COL20A1: variants seen among roughly 807,000 people sequenced by gnomAD.
COL20A1 encodes the protein collagen alpha-1(XX) chain.
COL20A1 carries 164 observed loss-of-function variants against 152.9 expected under a neutral mutation model. That is an observed-to-expected ratio of 1.07 (90% CI 0.94 to 1.22). COL20A1 has a LOEUF of 1.22. Ranked by LOEUF, COL20A1 falls within the 50% of genes most tolerant of loss-of-function variation. The probability of loss-of-function intolerance (pLI) is 0.00; values close to 1 mark genes in which losing one functional copy is unlikely to be tolerated. For missense variants in COL20A1, 1,873 were observed against 1,744.8 expected, an observed-to-expected ratio of 1.07 and a Z score of -1.31; for synonymous variants, 864 against 756.0, an observed-to-expected ratio of 1.14 and a Z score of -2.34.
Position 63,309,928 on chromosome 20 carries a change from G to GT in COL20A1, c.1263+14dup, listed in dbSNP as rs771464744. On this transcript the variant is annotated intron_variant, in intron 10 of 35. Transcript: ENST00000358894. Reference sequence around the variant, plus strand: ...CACCCCCAGGGAGGTGAGGGGGCCGGTATACAGGGCTCCCCGAGCCGGTCC... The same window carrying GT: ...CACCCCCAGGGAGGTGAGGGGGCCGGTTATACAGGGCTCCCCGAGCCGGTCC... The GT allele has an allele frequency of 1.3e-6, 2 of 1,582,912 alleles. No individual in the cohort carries two copies. Among genetic ancestry groups the GT allele is most frequent in the Non-Finnish European group, 1.7e-6 (2 of 1,165,550 alleles).
At chr20:63,318,726 A>G (rs1372024921) in intron 21 of COL20A1, among the ~76,000 whole-genome samples, 8 of 152,096 alleles carry the variant, frequency 5.3e-5, no homozygotes, top group African/African-American at 1.5e-4. Context: ...GGCGCCTCCA[A>G]GTACTTCTGT....
intron 31 of COL20A1, 58 bp downstream of exon 31, chr20:63,326,881 G>A: frequency 8.0e-7 from 1 of 1,253,230 alleles, no homozygotes; most frequent in Non-Finnish European, 1.1e-6. Flanking sequence ...AAGGGTGCAA[G>A]CCCCACATGC....
intron 20 of COL20A1, among the ~76,000 whole-genome samples, chr20:63,316,173 G>C (rs1366429237): frequency 1.3e-5 from 2 of 151,988 alleles, no homozygotes; most frequent in South Asian, 4.2e-4. Flanking sequence ...GGTGCAGTGG[G>C]CTTGCTGGGG....
chr20:63,305,830 T>A lies in COL20A1; in HGVS notation c.338-51T>A. The stretch of plus-strand genomic sequence containing the variant: ...AGGGGTGTATGTGCAGCTGCCCCAG[T>A]GGACCAGGCCCTCCACTCCCACCCT... On this transcript the variant is annotated intron_variant, in intron 4 of 35. Transcript: ENST00000358894. This position sits in a 1 kb window ranked among gnomAD's most constrained non-coding sequence, Gnocchi z 4.9. 1 of 1,581,836 alleles carries A rather than the reference T, an allele frequency of 6.3e-7. No individual in the cohort carries two copies.
At chr20:63,315,518 G>A (rs906157077) in intron 20 of COL20A1, 79 bp downstream of exon 20, 34 of 1,306,844 alleles carry the variant, frequency 2.6e-5, no homozygotes, top group African/African-American at 7.3e-5. Flanking sequence ...CAAGGGTGTC[G>A]TGACCTGGGA....
intron 28 of COL20A1, 40 bp downstream of exon 28, chr20:63,325,534 G>C (rs2068232457): frequency 6.3e-7 from 1 of 1,594,816 alleles, no homozygotes; most frequent in South Asian, 1.1e-5. Context: ...GGGTTGGTGG[G>C]GGTGGGGGAA....
At chr20:63,321,268 A>G (rs1443392224) in intron 26 of COL20A1, among the ~76,000 whole-genome samples, 169 bp downstream of exon 26, 1 of 151,874 alleles carries the variant, frequency 6.6e-6, no homozygotes, top group African/African-American at 2.4e-5. Context: ...GCCCTGGGCC[A>G]GGAGACAGAG....
chr20:63,316,411 C>A (rs983435352), intron 20 of COL20A1, 142 bp from the exon 21 acceptor site: 2 of 500,138 alleles, frequency 4.0e-6, no homozygotes, highest in East Asian at 8.0e-5. Flanking sequence ...TGCTGACTTC[C>A]CACCCACGCC....
chr20:63,321,180 G>T, intron 26 of COL20A1, 81 bp downstream of exon 26: 1 of 882,002 alleles, frequency 1.1e-6, no homozygotes. Flanking sequence ...TGTAACCCAG[G>T]CCCTCCCGCC....
chr20:63,295,457 C>T (rs778296052), intron 2 of COL20A1, among the ~76,000 whole-genome samples: 1 of 152,242 alleles, frequency 6.6e-6, no homozygotes, highest in Non-Finnish European at 1.5e-5. Context: ...GAACACCTTT[C>T]GGAGCAGTCT....
At chr20:63,308,451 G>A (rs1282599777) in intron 7 of COL20A1, 91 bp from the exon 8 acceptor site, 2 of 1,241,086 alleles carry the variant, frequency 1.6e-6, no homozygotes, top group African/African-American at 1.5e-5. Flanking sequence ...AAGGGAAGGA[G>A]AGGAGCATCT....
chr20:63,308,438 C>T, intron 7 of COL20A1, 104 bp from the exon 8 acceptor site: 1 of 1,181,210 alleles, frequency 8.5e-7, no homozygotes, highest in Admixed American at 2.7e-5. Context: ...CCTGATACCC[C>T]ACAAGGGAAG....
chr20:63,322,205 C>T, intron 27 of COL20A1, 94 bp downstream of exon 27: 2 of 1,040,170 alleles, frequency 1.9e-6, no homozygotes, highest in Non-Finnish European at 2.7e-6. Flanking sequence ...GTGCAGGGAG[C>T]TGCACGCAGC....
At chr20:63,300,843 A>G (rs1658543236) in intron 3 of COL20A1, among the ~76,000 whole-genome samples, 1 of 152,230 alleles carries the variant, frequency 6.6e-6, no homozygotes, top group Non-Finnish European at 1.5e-5. Context: ...AATTTTCATT[A>G]TCATTCAGGT....
intron 25 of COL20A1, among the ~76,000 whole-genome samples, 160 bp downstream of exon 25, chr20:63,320,528 G>A (rs1314901063): frequency 6.6e-6 from 1 of 152,208 alleles, no homozygotes; most frequent in Non-Finnish European, 1.5e-5. Context: ...CAGTGGATGA[G>A]CCCAGAGGGG....
chr20:63,294,360 C>T (rs1177434206), intron 1 of COL20A1, among the ~76,000 whole-genome samples: 1 of 151,660 alleles, frequency 6.6e-6, no homozygotes, highest in Non-Finnish European at 1.5e-5. Flanking sequence ...ACTGGGTTAC[C>T]CTGGCCTCTG....
chr20:63,311,832 G>A lies in COL20A1; in HGVS notation c.1663+84G>A. The A allele has an allele frequency of 3.3e-6, 5 of 1,518,188 alleles. No homozygotes were observed. In the South Asian group the frequency reaches 3.7e-5, roughly 11 times the overall value. The allele number at this position is 1,518,188 out of a possible 1,614,324, so 94.0% of individuals were successfully genotyped here. On this transcript the variant is annotated intron_variant, in intron 13 of 35. Transcript: ENST00000358894. This position sits in a 1 kb window ranked among gnomAD's most constrained non-coding sequence, Gnocchi z 4.4. Reference sequence around the variant, plus strand: ...CCTTCCATGGCATGGGAGACCTCAGGCCCCCTCGGTCCCAGCCACTGCCCA... The same window carrying A: ...CCTTCCATGGCATGGGAGACCTCAGACCCCCTCGGTCCCAGCCACTGCCCA...
chr20:63,306,929 G>A lies in COL20A1; in HGVS notation c.497-561G>A, dbSNP rs1190643821. Among the ~76,000 whole-genome samples, 1 of 152,196 alleles carries A rather than the reference G, an allele frequency of 6.6e-6. No individual in the cohort carries two copies. Among genetic ancestry groups the A allele is most frequent in the African/African-American group, 2.4e-5 (1 of 41,464 alleles). ...CCTGGACTTGGGCTCCCCCAGGGGA[G>A]TGTCCCCACCCATGCAGGCCTCAGG... is the stretch of plus-strand genomic sequence containing the variant. On this transcript the variant is annotated intron_variant, in intron 5 of 35. Coordinates refer to ENST00000358894, the MANE Select transcript of COL20A1 (RefSeq NM_020882.4). This position sits in a 1 kb window ranked among gnomAD's most constrained non-coding sequence, Gnocchi z 6.9.
At chr20:63,318,529 G>A (rs892949534) in intron 21 of COL20A1, among the ~76,000 whole-genome samples, 80 of 152,250 alleles carry the variant, frequency 5.3e-4, no homozygotes, top group Non-Finnish European at 2.9e-4. Flanking sequence ...CCCACTGGGC[G>A]GTGCCAATGA....
Sources: allele counts gnomAD v4.1 joint callset (sites outside exome capture counted in the v4.1 genomes callset), GRCh38; gene constraint gnomAD v4.1.1; non-coding constraint Gnocchi (gnomAD v3.1); transcripts MANE v1.5; gene names NCBI Gene and HGNC (gene_info 2026-07-23, HGNC 2026-07-21).